Variants in SCAMP2 observed in about 807,000 individuals in gnomAD.
SCAMP2 encodes the protein secretory carrier membrane protein 2.
A neutral mutation model predicts 44.1 loss-of-function variants in SCAMP2; 25 were observed. The observed-to-expected ratio is 0.57, with a 90% confidence interval of 0.41 to 0.79. The LOEUF is 0.79. SCAMP2 is among the 30% of genes least tolerant of loss of function. The pLI is 0.00. For synonymous variants in SCAMP2, 156 were observed against 166.0 expected, an observed-to-expected ratio of 0.94 and a Z score of 0.46; for missense variants, 355 against 411.0, an observed-to-expected ratio of 0.86 and a Z score of 1.18.
intron 1 of SCAMP2, among the ~76,000 whole-genome samples, chr15:74,854,950 A>G (rs576145508): frequency 6.7e-6 from 1 of 148,924 alleles, no homozygotes; most frequent in Non-Finnish European, 1.5e-5. Flanking sequence ...AAAATGGTTC[A>G]TAGTATTTAC....
chr15:74,856,718 G>A (rs879884471), intron 1 of SCAMP2, among the ~76,000 whole-genome samples: 17 of 151,482 alleles, frequency 1.1e-4, no homozygotes, highest in African/African-American at 3.4e-4. Context: ...CTCAGCCTCC[G>A]GAGTAACCAG....
At chr15:74,868,889 C>T (rs1157877394) in intron 1 of SCAMP2, among the ~76,000 whole-genome samples, 2 of 152,206 alleles carry the variant, frequency 1.3e-5, no homozygotes, top group Admixed American at 6.5e-5. Context: ...GGCACAGTGG[C>T]TCACGCCTGT....
chr15:74,863,306 C>T (rs2064520955), intron 1 of SCAMP2, among the ~76,000 whole-genome samples: 1 of 150,508 alleles, frequency 6.6e-6, no homozygotes, highest in Admixed American at 6.6e-5. Flanking sequence ...GAGATCACTC[C>T]ATTGCACTCC....
intron 1 of SCAMP2, among the ~76,000 whole-genome samples, chr15:74,863,888 C>T (rs560858872): frequency 1.2e-4 from 18 of 152,186 alleles, no homozygotes; most frequent in Non-Finnish European, 2.4e-4. Flanking sequence ...GGGTGAGACA[C>T]AGTGTGATCA....
At chr15:74,862,755 A>C (rs2064515480) in intron 1 of SCAMP2, among the ~76,000 whole-genome samples, 1 of 144,886 alleles carries the variant, frequency 6.9e-6, no homozygotes, top group African/African-American at 2.6e-5. Flanking sequence ...CAGGGAGGTA[A>C]AGGTTGCAGT....
rs145230197 is a variant in SCAMP2 at position 74,850,618 on chromosome 15, G to A, written c.528C>T (p.Gly176=). The A allele has an allele frequency of 2.6e-4, 426 of 1,614,160 alleles. No individual in the cohort carries two copies. In the African/African-American group the frequency reaches 5.3e-3, roughly 20 times the overall value. Residue 176 remains glycine (G), a synonymous_variant, in exon 6 of 9, where the codon GGC becomes GGT. Coordinates refer to ENST00000268099, the MANE Select transcript of SCAMP2 (RefSeq NM_005697.5). ...NLLACLAWFS[G]NSSKGVDFGL... The stretch of plus-strand genomic sequence containing the variant: ...CAAAGTCCACTCCCTTGGAGCTGTT[G>A]CCCGAGAACCAGGCCAGGCAGGCAA...
At chr15:74,872,045 AAAAAC>A (rs895680755) in intron 1 of SCAMP2, among the ~76,000 whole-genome samples, 5 of 152,030 alleles carry the variant, frequency 3.3e-5, no homozygotes, top group African/African-American at 1.2e-4. Flanking sequence ...AATTGTCTCA[AAAAAC>A]AAAACAAAAC....
At chr15:74,872,922 A>T in intron 1 of SCAMP2, 1 of 415,512 alleles carries the variant, frequency 2.4e-6, no homozygotes, top group Non-Finnish European at 4.3e-6. Flanking sequence ...GTCCGACCGT[A>T]CCTGCTCCAG....
chr15:74,848,959 C>T (rs890898986), intron 6 of SCAMP2, among the ~76,000 whole-genome samples: 1 of 152,054 alleles, frequency 6.6e-6, no homozygotes, highest in South Asian at 2.1e-4. Context: ...AAAGTTGCTC[C>T]CCCAAAGGAC....
At chr15:74,851,898 TC>T in intron 4 of SCAMP2, 170 bp downstream of exon 4, 1 of 511,370 alleles carries the variant, frequency 2.0e-6, no homozygotes, top group Non-Finnish European at 3.5e-6. Context: ...ACACTGCAGG[TC>T]TCCTGACTTG....
chr15:74,850,687 C>T lies in SCAMP2; in HGVS notation c.473-14G>A. ...TCACTGAATGCACTGGGGAAGGGGA[C>T]AGGACAGAGTTATGACTTGTGCCAC... On this transcript the variant is annotated splice_polypyrimidine_tract_variant and intron_variant, in intron 5 of 8. Coordinates refer to ENST00000268099, the MANE Select transcript of SCAMP2 (RefSeq NM_005697.5). 1.9e-6 allele frequency: 3 copies of T among 1,613,474 alleles called. No homozygotes were observed. Among genetic ancestry groups the T allele is most frequent in the East Asian group, 2.2e-5 (1 of 44,870 alleles).
Position 74,854,022 on chromosome 15 carries a change from TG to T in SCAMP2, c.223del (p.Gln75ArgfsTer36), listed in dbSNP as rs1304394803. On this transcript the variant is annotated frameshift_variant and splice_region_variant, in exon 3 of 9. Coordinates refer to ENST00000268099, the MANE Select transcript of SCAMP2 (RefSeq NM_005697.5). LOFTEE classifies it high-confidence loss of function. ...GCCAGAGTTCTTTGTCAGCACTACCTGGGGGGTCGGCTGGGTTGGTTCCACT... is the reference window on the plus strand; with the variant it reads ...GCCAGAGTTCTTTGTCAGCACTACCTGGGGGTCGGCTGGGTTGGTTCCACT... The part of the protein sequence containing the change: ...PSVEPTQPTP[Q>X]AVVSAAQAGL... The T allele has an allele frequency of 1.2e-6, 2 of 1,613,150 alleles. No homozygotes were observed. Among genetic ancestry groups the T allele is most frequent in the Non-Finnish European group, 1.7e-6 (2 of 1,179,202 alleles).
chr15:74,872,196 T>A (rs2064580593), intron 1 of SCAMP2, among the ~76,000 whole-genome samples: 1 of 151,986 alleles, frequency 6.6e-6, no homozygotes, highest in Non-Finnish European at 1.5e-5. Context: ...ATGGATCACC[T>A]GAGGTCAGGA....
chr15:74,869,459 C>T (rs1038212841), intron 1 of SCAMP2, among the ~76,000 whole-genome samples: 9 of 152,302 alleles, frequency 5.9e-5, no homozygotes, highest in African/African-American at 2.2e-4. Context: ...AGAATGGTGA[C>T]AACTGTGATG....
At chr15:74,859,565 G>C (rs1015101022) in intron 1 of SCAMP2, among the ~76,000 whole-genome samples, 1 of 152,006 alleles carries the variant, frequency 6.6e-6, no homozygotes, top group Non-Finnish European at 1.5e-5. Context: ...AGGGAAGAGA[G>C]GCAGGCAGAG....
rs567314841 is a variant in SCAMP2, at chr15:74,854,080, C to T, written c.166G>A (p.Gly56Arg). 7.4e-6 allele frequency: 12 copies of T among 1,614,164 alleles called. No individual in the cohort carries two copies. The Admixed American group carries it at 1.3e-4, about 18-fold the overall frequency. ...TGGAGAACCGCTGGCTGTGAGGACC[C>T]AGGGAGTTGGGTGACAGGAACTGTT... Reference protein sequence around the residue: ...ATTVPVTQLPGSSQPAVLQPS... With the variant: ...ATTVPVTQLPRSSQPAVLQPS... The change falls in exon 3 of 9, where the codon GGG becomes AGG. Residue 56 changes from glycine (G) to arginine (R), a missense_variant. Physicochemically the swap from Gly to Arg is moderately radical, Grantham distance 125. Coordinates refer to ENST00000268099, the MANE Select transcript of SCAMP2 (RefSeq NM_005697.5).
rs2064439591 is a variant in SCAMP2, at chr15:74,852,144, C to T, written c.268G>A (p.Glu90Lys). Residue 90 changes from glutamate to lysine, a missense_variant, in exon 4 of 9, where the codon GAA (glutamate) becomes AAA (lysine). Coordinates refer to ENST00000268099, the MANE Select transcript of SCAMP2 (RefSeq NM_005697.5). ...TCGGCAGCTTTCCTGTCCAGTTCTTCCTGCTGCCGGAGCAGGCCTGCCTGG... is the reference window on the plus strand; with the variant it reads ...TCGGCAGCTTTCCTGTCCAGTTCTTTCTGCTGCCGGAGCAGGCCTGCCTGG... ...AAQAGLLRQQ[E>K]ELDRKAAELE... The T allele has an allele frequency of 1.3e-6, 2 of 1,585,484 alleles. No individual in the cohort carries two copies. The highest frequency in any genetic ancestry group is 1.4e-5 in the African/African-American group (1 of 73,396).
intron 1 of SCAMP2, among the ~76,000 whole-genome samples, chr15:74,857,758 C>A (rs1328279355): frequency 1.3e-5 from 2 of 152,206 alleles, no homozygotes; most frequent in African/African-American, 4.8e-5. Context: ...GGACTCCTCA[C>A]CGGGCTCCTC....
chr15:74,852,058 G>A lies in SCAMP2; in HGVS notation c.343+11C>T. On this transcript the variant is annotated intron_variant, in intron 4 of 8. Coordinates refer to ENST00000268099, the MANE Select transcript of SCAMP2 (RefSeq NM_005697.5). Reference sequence around the variant, plus strand: ...GGCAGGGCAGCCCCAGGCCCCAGCAGCCTCCCTTACCATGCAAGTTGGCTA... The same window carrying A: ...GGCAGGGCAGCCCCAGGCCCCAGCAACCTCCCTTACCATGCAAGTTGGCTA... 1 of 1,550,936 alleles carries A rather than the reference G, an allele frequency of 6.4e-7. No individual in the cohort carries two copies. The highest frequency in any genetic ancestry group is 1.7e-4 in the Middle Eastern group (1 of 5,868).
Sources: gnomAD v4.1 joint callset for allele counts (sites outside exome capture counted in the v4.1 genomes callset) on GRCh38, gnomAD v4.1.1 for gene constraint, MANE v1.5 for transcripts, NCBI Gene and HGNC (gene_info 2026-07-23, HGNC 2026-07-21) for gene names.